Variants in DDX10 observed in about 807,000 individuals in gnomAD.
The protein encoded by DDX10 is DEAD-box helicase 10, also known as probable ATP-dependent RNA helicase DDX10.
Under a neutral mutation model 104.3 loss-of-function variants are expected in DDX10, and 74 were observed. That is an observed-to-expected ratio of 0.71 (90% confidence interval 0.59 to 0.86). The LOEUF (loss-of-function observed/expected upper bound fraction) is 0.86. DDX10 is among the 40% of genes least tolerant of loss of function. The pLI, the probability that DDX10 is intolerant of heterozygous loss-of-function variation, is 0.00. For missense variants in DDX10, 952 were observed against 1,040.0 expected, an observed-to-expected ratio of 0.92 and a Z score of 1.16; for synonymous variants, 351 against 353.4, an observed-to-expected ratio of 0.99 and a Z score of 0.08.
intron 15 of DDX10, among the ~76,000 whole-genome samples, chr11:108,850,388 T>A (rs998103189): frequency 7.9e-5 from 12 of 152,114 alleles, no homozygotes; most frequent in Admixed American, 2.0e-4. Flanking sequence ...AACCCCAGCA[T>A]GGTTATGTTT....
At chr11:108,736,470 G>A (rs929056124) in intron 13 of DDX10, among the ~76,000 whole-genome samples, 4 of 152,128 alleles carry the variant, frequency 2.6e-5, no homozygotes, top group Admixed American at 2.0e-4. Flanking sequence ...AAGTTGAAAT[G>A]TGAGGGTTCC....
chr11:108,868,917 A>G (rs1863042861), intron 16 of DDX10, among the ~76,000 whole-genome samples: 1 of 151,972 alleles, frequency 6.6e-6, no homozygotes, highest in African/African-American at 2.4e-5. Context: ...ACAGATGAAA[A>G]AACTGAGGGT....
intron 16 of DDX10, among the ~76,000 whole-genome samples, chr11:108,878,987 G>C (rs1216057642): frequency 6.6e-6 from 1 of 151,828 alleles, no homozygotes; most frequent in African/African-American, 2.4e-5. Flanking sequence ...TTTTTTTACC[G>C]TGGAAATTTT....
At chr11:108,874,815 A>G (rs1863130289) in intron 16 of DDX10, among the ~76,000 whole-genome samples, 1 of 152,300 alleles carries the variant, frequency 6.6e-6, no homozygotes, top group East Asian at 1.9e-4. Flanking sequence ...TAAACTGTCA[A>G]TGCCAGAATA....
chr11:108,858,290 C>T (rs977267642), intron 16 of DDX10, among the ~76,000 whole-genome samples: 6 of 151,992 alleles, frequency 3.9e-5, no homozygotes, highest in Non-Finnish European at 7.4e-5. Flanking sequence ...ATTATTCTGC[C>T]GTGTTACTTG....
chr11:108,760,596 A>G (rs1386551510), intron 13 of DDX10, among the ~76,000 whole-genome samples: 1 of 151,912 alleles, frequency 6.6e-6, no homozygotes, highest in Non-Finnish European at 1.5e-5. Flanking sequence ...GTATATGTAA[A>G]TGAAATATGT....
At chr11:108,703,816 TG>T (rs1565252502) in intron 9 of DDX10, among the ~76,000 whole-genome samples, 1 of 152,180 alleles carries the variant, frequency 6.6e-6, no homozygotes, top group East Asian at 1.9e-4. Context: ...AAAAGCTTAC[TG>T]GGGAACTTTT....
rs1863268435 is a variant in DDX10, at chr11:108,884,472, G to A, written c.2304+32263G>A. Reference sequence around the variant, plus strand: ...TTCCCCTCCTCCCGTAACTATTGATGGCTACCTACCAATTACCTGCTAATT... The same window carrying A: ...TTCCCCTCCTCCCGTAACTATTGATAGCTACCTACCAATTACCTGCTAATT... On this transcript the variant is annotated intron_variant, in intron 16 of 17. Coordinates refer to ENST00000322536, the MANE Select transcript of DDX10 (RefSeq NM_004398.4). 2.0e-5 allele frequency among the ~76,000 whole-genome samples: 3 copies of A among 152,150 alleles called. No individual in the cohort carries two copies. In the South Asian group the frequency reaches 6.2e-4, roughly 32 times the overall value.
intron 16 of DDX10, among the ~76,000 whole-genome samples, chr11:108,906,866 A>G (rs1029038973): frequency 1.3e-5 from 2 of 152,350 alleles, no homozygotes; most frequent in Admixed American, 6.5e-5. Context: ...TGTGCAAAGC[A>G]GCCTTAGAAG....
intron 16 of DDX10, among the ~76,000 whole-genome samples, chr11:108,900,917 C>T (rs1863508995): frequency 6.6e-6 from 1 of 152,172 alleles, no homozygotes; most frequent in South Asian, 2.1e-4. Flanking sequence ...CTTGTGTCTT[C>T]GTTTATGCTG....
chr11:108,718,162 T>G (rs2094293869), intron 11 of DDX10, among the ~76,000 whole-genome samples: 1 of 143,600 alleles, frequency 7.0e-6, no homozygotes, highest in Non-Finnish European at 1.5e-5. Context: ...AGGCTCTGTC[T>G]CAAAAAAAAA....
chr11:108,932,465 A>C (rs1863987041), intron 17 of DDX10, among the ~76,000 whole-genome samples: 1 of 151,920 alleles, frequency 6.6e-6, no homozygotes, highest in African/African-American at 2.4e-5. Flanking sequence ...AAAAAGAAAT[A>C]ATAATAAAAT....
chr11:108,833,140 GCACATCAC>G (rs1345188065), intron 13 of DDX10, among the ~76,000 whole-genome samples: 2 of 152,200 alleles, frequency 1.3e-5, no homozygotes, highest in Admixed American at 1.3e-4. Flanking sequence ...CAGGTGTTTA[GCACATCAC>G]TGATGTGCTG....
intron 17 of DDX10, among the ~76,000 whole-genome samples, chr11:108,924,247 A>T (rs1863878855): frequency 6.6e-6 from 1 of 152,222 alleles, no homozygotes; most frequent in Non-Finnish European, 1.5e-5. Flanking sequence ...ACTACCTTAC[A>T]TCAATCTTTG....
At chr11:108,909,500 G>A (rs1040921983) in intron 16 of DDX10, among the ~76,000 whole-genome samples, 2 of 150,752 alleles carry the variant, frequency 1.3e-5, no homozygotes, top group Admixed American at 6.6e-5. Context: ...CCCTTCCCTT[G>A]TCCTGTGCCT....
At chr11:108,713,011 G>A (rs776336888) in intron 10 of DDX10, among the ~76,000 whole-genome samples, 110 of 152,066 alleles carry the variant, frequency 7.2e-4, no homozygotes, top group Non-Finnish European at 1.3e-3. Flanking sequence ...TGCTTGCATG[G>A]TGTCTGAGAA....
chr11:108,905,868 CAG>C (rs1321382145), intron 16 of DDX10, among the ~76,000 whole-genome samples: 4 of 152,146 alleles, frequency 2.6e-5, no homozygotes, highest in Non-Finnish European at 5.9e-5. Flanking sequence ...AGGCATGGAG[CAG>C]AAGTAAGAGA....
Position 108,940,815 on chromosome 11 carries a change from T to C in DDX10, c.*392T>C. 4.4e-6 allele frequency: 1 copy of C among 228,158 alleles called. No homozygotes were observed. 14.1% of individuals were successfully genotyped at this position (228,158 alleles called of 1,614,324 possible). On this transcript the variant is annotated 3_prime_UTR_variant, in exon 18 of 18. Transcript: ENST00000322536. ...TTTCTGTTGCTGTTAAAATTGCTCA[T>C]GATTTCGACGTATTTAATATTTTCA...
chr11:108,674,812 C>A (rs1280970761), intron 2 of DDX10, among the ~76,000 whole-genome samples: 1 of 152,200 alleles, frequency 6.6e-6, no homozygotes, highest in Non-Finnish European at 1.5e-5. Flanking sequence ...CCACGCCTGG[C>A]CTACAATAGA....
Sources: gnomAD v4.1 joint callset for allele counts (sites outside exome capture counted in the v4.1 genomes callset) on GRCh38, gnomAD v4.1.1 for gene constraint, MANE v1.5 for transcripts, NCBI Gene and HGNC (gene_info 2026-07-23, HGNC 2026-07-21) for gene names.